FAM13B: variants seen among roughly 807,000 people sequenced by gnomAD.
FAM13B encodes family with sequence similarity 13 member B.
A neutral mutation model predicts 117.3 loss-of-function variants in FAM13B; 60 were observed. The observed-to-expected ratio is 0.51, with a 90% CI of 0.42 to 0.63. The LOEUF is 0.63. FAM13B is among the 30% of genes least tolerant of loss of function. FAM13B has a pLI of 0.00. For synonymous variants in FAM13B, 332 were observed against 356.1 expected (o/e 0.93, Z 0.76); for missense variants, 972 against 1,091.9 (o/e 0.89, Z 1.55).
intron 7 of FAM13B, among the ~76,000 whole-genome samples, chr5:137,990,277 C>A (rs1277228263): frequency 2.6e-5 from 4 of 152,198 alleles, no homozygotes; most frequent in Non-Finnish European, 5.9e-5. Flanking sequence ...TTATAATCCA[C>A]TGACAATGTG....
chr5:137,942,156 C>A, intron 22 of FAM13B, 111 bp from the exon 23 acceptor site: 1 of 793,424 alleles, frequency 1.3e-6, no homozygotes, highest in Non-Finnish European at 2.0e-6. Flanking sequence ...GTTAGGTCTA[C>A]CAATGCCTAA....
At chr5:138,004,235 C>G (rs573750714) in intron 7 of FAM13B, among the ~76,000 whole-genome samples, 2 of 152,078 alleles carry the variant, frequency 1.3e-5, no homozygotes, top group Admixed American at 1.3e-4. Context: ...CACCACTGCA[C>G]TCCAGCCTGG....
chr5:138,018,933 C>G, intron 3 of FAM13B, 22 bp downstream of exon 3: 5 of 1,576,260 alleles, frequency 3.2e-6, no homozygotes, highest in Non-Finnish European at 4.3e-6. Flanking sequence ...AAAGCTAGCC[C>G]TCAAAGTAAG....
At chr5:137,993,457 T>C (rs941313454) in intron 7 of FAM13B, among the ~76,000 whole-genome samples, 1 of 151,910 alleles carries the variant, frequency 6.6e-6, no homozygotes, top group Non-Finnish European at 1.5e-5. Flanking sequence ...CAAAACCGCA[T>C]CTATTTTTTT....
At chr5:137,979,243 C>T (rs894134999) in intron 10 of FAM13B, among the ~76,000 whole-genome samples, 1 of 152,044 alleles carries the variant, frequency 6.6e-6, no homozygotes, top group Admixed American at 6.6e-5. Flanking sequence ...GAACTCCTGA[C>T]CTCAGGTGAT....
chr5:138,004,676 T>C (rs1313399877), intron 7 of FAM13B, among the ~76,000 whole-genome samples: 1 of 151,932 alleles, frequency 6.6e-6, no homozygotes, highest in Non-Finnish European at 1.5e-5. Flanking sequence ...GCCCAGGAGC[T>C]CAAGGCCACC....
chr5:137,988,299 T>G lies in FAM13B; in HGVS notation c.865A>C (p.Ile289Leu). The change falls in exon 8 of 24, where the codon ATC (isoleucine) becomes CTC (leucine). Residue 289 changes from isoleucine (I) to leucine (L), a missense_variant. Physicochemically the swap from Ile to Leu is conservative, Grantham distance 5. Transcript: ENST00000689681. Reference protein sequence around the residue: ...VTATSTHISPISILPASTDIL... With the variant: ...VTATSTHISPLSILPASTDIL... ...TCTGTAGAGGCTGGTAGGATGCTGATGGGAGATATATGGGTGCTGCAATCA... is the reference window on the plus strand; with the variant it reads ...TCTGTAGAGGCTGGTAGGATGCTGAGGGGAGATATATGGGTGCTGCAATCA... The G allele has an allele frequency of 6.4e-7, 1 of 1,560,378 alleles. No individual in the cohort carries two copies. Among genetic ancestry groups the G allele is most frequent in the Middle Eastern group, 1.8e-4 (1 of 5,436 alleles).
chr5:137,978,309 G>C (rs1391986902), intron 10 of FAM13B, among the ~76,000 whole-genome samples: 2 of 151,896 alleles, frequency 1.3e-5, no homozygotes, highest in Non-Finnish European at 2.9e-5. Context: ...TTAGGAAAGA[G>C]TCCTAGATTT....
intron 1 of FAM13B, among the ~76,000 whole-genome samples, chr5:138,021,532 T>C (rs767470405): frequency 1.3e-5 from 2 of 152,224 alleles, no homozygotes; most frequent in Non-Finnish European, 2.9e-5. Flanking sequence ...TCCTTCCTCA[T>C]TTCCTCACAT....
chr5:137,976,911 C>T, intron 10 of FAM13B, among the ~76,000 whole-genome samples: 1 of 152,178 alleles, frequency 6.6e-6, no homozygotes, highest in Non-Finnish European at 1.5e-5. Flanking sequence ...GAAAAAAGAA[C>T]AGGATAACAG....
chr5:137,940,540 C>A, intron 23 of FAM13B, 192 bp from the exon 24 acceptor site: 1 of 538,190 alleles, frequency 1.9e-6, no homozygotes, highest in Non-Finnish European at 3.2e-6. Context: ...TTTTGATGGA[C>A]TTCTCTACTG....
chr5:138,021,095 G>A lies in FAM13B; in HGVS notation c.-100C>T. On this transcript the variant is annotated 5_prime_UTR_variant, in exon 2 of 24. Coordinates refer to ENST00000689681, the MANE Select transcript of FAM13B (RefSeq NM_001385994.1). Reference sequence around the variant, plus strand: ...TGCACCAGCTACCCTCACTGAGCAAGCATTCTTTTGTCATTTATGGCTGTT... The same window carrying A: ...TGCACCAGCTACCCTCACTGAGCAAACATTCTTTTGTCATTTATGGCTGTT... 1 of 1,231,624 alleles carries A rather than the reference G, an allele frequency of 8.1e-7. No individual in the cohort carries two copies. The highest frequency in any genetic ancestry group is 1.0e-6 in the Non-Finnish European group (1 of 987,928). 76.3% of individuals were successfully genotyped at this position (1,231,624 alleles called of 1,614,324 possible).
chr5:138,009,671 G>A (rs1041391064), intron 6 of FAM13B, among the ~76,000 whole-genome samples: 2 of 151,960 alleles, frequency 1.3e-5, no homozygotes, highest in African/African-American at 2.4e-5. Flanking sequence ...CAGGCATGGT[G>A]GCGAGCGCCT....
chr5:137,990,279 G>T (rs1409879769), intron 7 of FAM13B, among the ~76,000 whole-genome samples: 1 of 152,132 alleles, frequency 6.6e-6, no homozygotes, highest in Non-Finnish European at 1.5e-5. Context: ...ATAATCCACT[G>T]ACAATGTGGC....
intron 9 of FAM13B, among the ~76,000 whole-genome samples, chr5:137,986,448 T>C (rs1777265619): frequency 7.3e-6 from 1 of 136,452 alleles, no homozygotes; most frequent in Admixed American, 7.7e-5. Context: ...AAAAAATTGA[T>C]ATATGAAAAA....
Position 137,960,163 on chromosome 5 carries a change from T to C in FAM13B, c.1293+3A>G. The C allele has an allele frequency of 2.0e-6, 3 of 1,521,048 alleles. No individual in the cohort carries two copies. Among genetic ancestry groups the C allele is most frequent in the Non-Finnish European group, 2.7e-6 (3 of 1,108,818 alleles). 94.2% of individuals were successfully genotyped at this position (1,521,048 alleles called of 1,614,324 possible). A position where few individuals can be genotyped will look rare whatever the true frequency, so the allele number is the denominator to read the frequency against. On this transcript the variant is annotated splice_donor_region_variant and intron_variant, in intron 12 of 23. Coordinates refer to ENST00000689681, the MANE Select transcript of FAM13B (RefSeq NM_001385994.1). ...AAGACTAAGACAAAAAAATAGTTCT[T>C]ACCAGAATCAAGTGTGACAATTTAT...
chr5:137,977,819 C>A (rs1774454770), intron 10 of FAM13B, among the ~76,000 whole-genome samples: 1 of 152,210 alleles, frequency 6.6e-6, no homozygotes, highest in Non-Finnish European at 1.5e-5. Flanking sequence ...CCAATAATTT[C>A]TATCACTAAA....
chr5:138,009,084 G>A (rs1783289087), intron 6 of FAM13B, among the ~76,000 whole-genome samples: 1 of 152,218 alleles, frequency 6.6e-6, no homozygotes, highest in Non-Finnish European at 1.5e-5. Context: ...AGGTTGCAGT[G>A]AGCCAAGATC....
At chr5:138,014,315 G>A (rs1015504553) in intron 4 of FAM13B, among the ~76,000 whole-genome samples, 25 of 152,240 alleles carry the variant, frequency 1.6e-4, no homozygotes, top group African/African-American at 5.8e-4. Context: ...AGCCGGGGCT[G>A]CAGACCAGTC....
Sources: gnomAD v4.1 joint callset for allele counts (sites outside exome capture counted in the v4.1 genomes callset) on GRCh38, gnomAD v4.1.1 for gene constraint, MANE v1.5 for transcripts, NCBI Gene and HGNC (gene_info 2026-07-23, HGNC 2026-07-21) for gene names.